The following GALNT9 variants were observed in gnomAD, a reference collection of about 807,000 sequenced individuals.
The protein encoded by GALNT9 is GalNAc transferase 9.
GALNT9 carries 47 observed loss-of-function variants against 63.1 expected under a neutral mutation model. The ratio of observed to expected loss-of-function variants is 0.75; its 90% CI spans 0.59 to 0.95. The LOEUF (loss-of-function observed/expected upper bound fraction) is 0.95. GALNT9 is among the 40% of genes least tolerant of loss of function. GALNT9 has a pLI of 0.00. For synonymous variants in GALNT9, 396 were observed against 365.7 expected (o/e 1.08, Z -0.94); for missense variants, 829 against 874.8 (o/e 0.95, Z 0.66).
chr12:132,304,583 G>A (rs184901465), intron 1 of GALNT9, among the ~76,000 whole-genome samples: 16 of 25,022 alleles, frequency 6.4e-4, no homozygotes, highest in South Asian at 4.8e-3. Context: ...ACCCTCGCCC[G>A]GACACGCCCT....
chr12:132,267,113 G>A (rs1362971518), intron 2 of GALNT9, among the ~76,000 whole-genome samples: 2 of 152,202 alleles, frequency 1.3e-5, no homozygotes, highest in Admixed American at 6.5e-5. Context: ...GGATGGAAGT[G>A]GGAAAAGCCG....
chr12:132,267,755 TCACA>T (rs782709970), intron 2 of GALNT9, among the ~76,000 whole-genome samples: 2 of 128,232 alleles, frequency 1.6e-5, no homozygotes, highest in Non-Finnish European at 3.0e-5. Flanking sequence ...GCACACACAC[TCACA>T]CACACATGCA....
At position 132,245,681 on chromosome 12, in the gene GALNT9, C is replaced by G. The variant is rs958040366; in HGVS notation, c.1077+2229G>C. 1.7e-4 allele frequency among the ~76,000 whole-genome samples: 26 copies of G among 152,364 alleles called. No homozygotes were observed. Among genetic ancestry groups the G allele is most frequent in the African/African-American group, 6.3e-4 (26 of 41,586 alleles). ...GCCCGGCCTGCTGACCCTCGCCCAC[C>G]ACACAGGTTCGCTGTCGTCCCGGCT... is the stretch of plus-strand genomic sequence containing the variant. On this transcript the variant is annotated intron_variant, in intron 6 of 10. Coordinates refer to ENST00000328957, the MANE Select transcript of GALNT9 (RefSeq NM_001122636.2). This position sits in a 1 kb window ranked among gnomAD's most constrained non-coding sequence, Gnocchi z 6.3.
intron 2 of GALNT9, among the ~76,000 whole-genome samples, chr12:132,285,594 C>T (rs1043518782): frequency 2.0e-5 from 3 of 152,200 alleles, no homozygotes; most frequent in East Asian, 1.9e-4. Context: ...ACGGATGGAA[C>T]GGGAATGCCC....
chr12:132,307,936 T>A (rs1555244794), intron 1 of GALNT9, among the ~76,000 whole-genome samples: 3 of 151,616 alleles, frequency 2.0e-5, no homozygotes, highest in Non-Finnish European at 4.4e-5. Context: ...ACTGGGAGGC[T>A]GAGCCAGGAG....
intron 1 of GALNT9, among the ~76,000 whole-genome samples, chr12:132,328,150 C>G (rs1295592604): frequency 2.0e-5 from 3 of 152,200 alleles, no homozygotes; most frequent in Non-Finnish European, 4.4e-5. Context: ...GAAGGTGGAG[C>G]AGCTGGAAAA....
At chr12:132,307,703 G>A (rs1456269931) in intron 1 of GALNT9, among the ~76,000 whole-genome samples, 1 of 151,188 alleles carries the variant, frequency 6.6e-6, no homozygotes, top group South Asian at 2.1e-4. Context: ...GTGTGGTGGC[G>A]GGCGCCTGTA....
chr12:132,243,460 C>G (rs2136905556), intron 6 of GALNT9, among the ~76,000 whole-genome samples: 2 of 109,608 alleles, frequency 1.8e-5, no homozygotes, highest in African/African-American at 3.3e-5. Flanking sequence ...GGGGCCCCAC[C>G]TGGCCGACCT....
chr12:132,284,086 CACACACACGCATGT>C (rs1880478166), intron 2 of GALNT9: 1 of 151,404 alleles, frequency 6.6e-6, no homozygotes, highest in Non-Finnish European at 1.5e-5. Context: ...TGCACACATG[CACACACACGCATGT>C]ACACACGCAC....
chr12:132,280,835 CTA>C (rs1309758789), intron 2 of GALNT9: 2 of 152,308 alleles, frequency 1.3e-5, no homozygotes, highest in Non-Finnish European at 2.9e-5. Flanking sequence ...TGCCAAATCT[CTA>C]GACTCCACGT....
chr12:132,200,636 G>A (rs1035218514), intron 8 of GALNT9: 1 of 155,224 alleles, frequency 6.4e-6, no homozygotes, highest in Admixed American at 6.4e-5. Flanking sequence ...AAAACTGGGT[G>A]CAAATGTATA....
chr12:132,286,162 CGTGGGGGGCAGTCACTTCCCTGGCCAGT>C lies in GALNT9; in HGVS notation c.419+60_419+87del, dbSNP rs1416423482. 5.9e-5 allele frequency: 81 copies of C among 1,361,818 alleles called. No homozygotes were observed. Among genetic ancestry groups the C allele is most frequent in the South Asian group, 9.4e-5 (6 of 63,688 alleles). The allele number at this position is 1,361,818 out of a possible 1,614,324, so 84.4% of individuals were successfully genotyped here. A position where few individuals can be genotyped will look rare whatever the true frequency, so the allele number is the denominator to read the frequency against. ...GGGGGCCGCTCACTTCCCCGGCCGG[CGTGGGGGGCAGTCACTTCCCTGGCCAGT>C]GTGGGGGGCGGTCACTTCCTCGGCG... On this transcript the variant is annotated intron_variant, in intron 2 of 10. Coordinates refer to ENST00000328957, the MANE Select transcript of GALNT9 (RefSeq NM_001122636.2). The surrounding 1 kb of genome is among the most constrained non-coding windows in gnomAD (Gnocchi z 7.4).
rs1046222433 is a variant in GALNT9, at chr12:132,230,575, G to A, written c.1077+17335C>T. Among the ~76,000 whole-genome samples the A allele has an allele frequency of 3.0e-3, 452 of 148,972 alleles. 1 individual carries two copies. Among genetic ancestry groups the A allele is most frequent in the African/African-American group, 0.011 (416 of 38,920 alleles). On this transcript the variant is annotated intron_variant, in intron 6 of 10. Coordinates refer to ENST00000328957, the MANE Select transcript of GALNT9 (RefSeq NM_001122636.2). ...GGGGAGTCCTGTTAATCTGTCCACT[G>A]CCAAGGCCGCGCCACCTGGCCCTCG...
intron 6 of GALNT9, among the ~76,000 whole-genome samples, chr12:132,209,419 G>A (rs867542080): frequency 9.9e-5 from 15 of 151,996 alleles, no homozygotes; most frequent in Admixed American, 3.9e-4. Flanking sequence ...GCATGGTGGC[G>A]TGCACCTGTA....
intron 6 of GALNT9, among the ~76,000 whole-genome samples, chr12:132,210,391 C>T (rs1181986645): frequency 6.6e-6 from 1 of 152,228 alleles, no homozygotes; most frequent in Admixed American, 6.5e-5. Context: ...GTAGGGTTCT[C>T]CTGGAAGCGC....
At chr12:132,199,983 CAG>C (rs1287130646) in intron 8 of GALNT9, among the ~76,000 whole-genome samples, 2 of 152,236 alleles carry the variant, frequency 1.3e-5, no homozygotes, top group African/African-American at 2.4e-5. Context: ...GGAAGCCCAG[CAG>C]AGTCTGGATG....
At position 132,197,008 on chromosome 12, in the gene GALNT9, C is replaced by T. The variant is rs1875550800; in HGVS notation, c.*99G>A. ...TGCTGTCCTGGCCGCACATAGAGCC[C>T]TGTCCTGCTGTGTCTGCCGGGCACA... On this transcript the variant is annotated 3_prime_UTR_variant, in exon 11 of 11. Coordinates refer to ENST00000328957, the MANE Select transcript of GALNT9 (RefSeq NM_001122636.2). The T allele has an allele frequency of 1.9e-6, 3 of 1,556,732 alleles. No individual in the cohort carries two copies. The highest frequency in any genetic ancestry group is 1.7e-6 in the Non-Finnish European group (2 of 1,150,974).
At position 132,327,891 on chromosome 12, in the gene GALNT9, C is replaced by T. The variant is rs1869106447; in HGVS notation, c.238+1075G>A. Reference sequence around the variant, plus strand: ...GAAGGAAACGCAAGACCACCCCCCGCCTTTGCCCCCACACACAGCAGGCAC... The same window carrying T: ...GAAGGAAACGCAAGACCACCCCCCGTCTTTGCCCCCACACACAGCAGGCAC... On this transcript the variant is annotated intron_variant, in intron 1 of 10. Coordinates refer to ENST00000328957, the MANE Select transcript of GALNT9 (RefSeq NM_001122636.2). This position sits in a 1 kb window ranked among gnomAD's most constrained non-coding sequence, Gnocchi z 4.3. Among the ~76,000 whole-genome samples the T allele has an allele frequency of 6.6e-6, 1 of 151,782 alleles. No homozygotes were observed. The highest frequency in any genetic ancestry group is 2.1e-4 in the South Asian group (1 of 4,772).
intron 1 of GALNT9, among the ~76,000 whole-genome samples, chr12:132,297,196 C>A (rs1881105983): frequency 6.6e-6 from 1 of 151,910 alleles, no homozygotes; most frequent in Non-Finnish European, 1.5e-5. Context: ...CCCACAATAA[C>A]CAACTCACTC....
Sources: gnomAD v4.1 joint callset for allele counts (sites outside exome capture counted in the v4.1 genomes callset) on GRCh38, gnomAD v4.1.1 for gene constraint, Gnocchi (gnomAD v3.1) non-coding constraint, MANE v1.5 for transcripts, NCBI Gene and HGNC (gene_info 2026-07-23, HGNC 2026-07-21) for gene names.